Variants in PTCD2 observed in about 807,000 individuals in gnomAD.
The protein encoded by PTCD2 is pentatricopeptide repeat-containing protein 2, mitochondrial.
PTCD2 carries 31 observed loss-of-function variants against 42.6 expected under a neutral mutation model. The observed-to-expected ratio is 0.73, with a 90% CI of 0.55 to 0.98. The LOEUF (loss-of-function observed/expected upper bound fraction) is 0.98, where lower values mean the gene tolerates loss of function less well. PTCD2 is among the 50% of genes least tolerant of loss of function. PTCD2 has a pLI of 0.00. For synonymous variants in PTCD2, 183 were observed against 170.9 expected, an observed-to-expected ratio of 1.07 and a Z score of -0.55; for missense variants, 476 against 454.8, an observed-to-expected ratio of 1.05 and a Z score of -0.42.
chr5:72,320,630 A>C (rs772744511), intron 1 of PTCD2, 121 bp downstream of exon 1: 12 of 1,408,722 alleles, frequency 8.5e-6, no homozygotes, highest in Admixed American at 2.0e-5. Flanking sequence ...CCTGGAGCGC[A>C]CCCTCGCCCT....
intron 3 of PTCD2, among the ~76,000 whole-genome samples, chr5:72,329,489 C>T (rs1301705672): frequency 1.3e-5 from 2 of 152,194 alleles, no homozygotes; most frequent in Admixed American, 6.5e-5. Context: ...CAGTGACTTT[C>T]TAGCACTTTT....
intron 8 of PTCD2, among the ~76,000 whole-genome samples, chr5:72,344,880 G>T (rs552516089): frequency 6.6e-6 from 1 of 152,282 alleles, no homozygotes; most frequent in South Asian, 2.1e-4. Context: ...GCTTCACAAG[G>T]TAGTAGAATA....
chr5:72,357,030 C>T (rs1031628636), intron 9 of PTCD2, among the ~76,000 whole-genome samples: 2 of 152,184 alleles, frequency 1.3e-5, no homozygotes, highest in African/African-American at 4.8e-5. Flanking sequence ...ATTCTCCATT[C>T]TAGTTCACCC....
intron 8 of PTCD2, among the ~76,000 whole-genome samples, chr5:72,345,212 A>G (rs1042006853): frequency 6.6e-6 from 1 of 152,204 alleles, no homozygotes; most frequent in Non-Finnish European, 1.5e-5. Context: ...CCTTGCTGAG[A>G]AAAAGAATTC....
Position 72,358,373 on chromosome 5 carries a change from G to C in PTCD2, c.1113G>C (p.Arg371Ser). The change falls in exon 10 of 10, where the codon AGG becomes AGC. Residue 371 changes from arginine (R) to serine (S), a missense_variant. Arg to Ser is a moderately radical substitution (Grantham distance 110, BLOSUM62 -1). Transcript: ENST00000380639. ...CTCACACGTTGCTATTAAACAAGAG[G>C]ATGGTCAGCCGTCGCACCTTCCAGC... The part of the protein sequence containing the change: ...RKSHTLLLNK[R>S]MVSRRTFQPL... The C allele has an allele frequency of 1.9e-6, 3 of 1,613,996 alleles. No individual in the cohort carries two copies. Among genetic ancestry groups the C allele is most frequent in the Non-Finnish European group, 2.5e-6 (3 of 1,179,982 alleles).
chr5:72,336,094 C>A (rs765003648), intron 6 of PTCD2, among the ~76,000 whole-genome samples: 4 of 152,230 alleles, frequency 2.6e-5, no homozygotes, highest in Non-Finnish European at 5.9e-5. Flanking sequence ...ATCTTTCACT[C>A]TTCTCTGGTG....
chr5:72,352,621 T>C lies in PTCD2; in HGVS notation c.829-20T>C. ...ACACTCACTCAGTCTTGGTTTTGCT[T>C]GTGTCTTCTTAATATTCAGATTATA... On this transcript the variant is annotated intron_variant, in intron 8 of 9. Coordinates refer to ENST00000380639, the MANE Select transcript of PTCD2 (RefSeq NM_024754.5). 7.9e-7 allele frequency: 1 copy of C among 1,270,980 alleles called. No homozygotes were observed. Among genetic ancestry groups the C allele is most frequent in the Non-Finnish European group, 1.1e-6 (1 of 874,244 alleles). 78.7% of individuals were successfully genotyped at this position (1,270,980 alleles called of 1,614,324 possible).
intron 9 of PTCD2, among the ~76,000 whole-genome samples, chr5:72,353,532 A>G (rs906378768): frequency 2.0e-5 from 3 of 152,224 alleles, no homozygotes; most frequent in African/African-American, 4.8e-5. Flanking sequence ...GGTTAGTTGA[A>G]AGAACAAACA....
At chr5:72,329,769 A>G (rs1403817354) in intron 3 of PTCD2, among the ~76,000 whole-genome samples, 6 of 152,292 alleles carry the variant, frequency 3.9e-5, no homozygotes, top group Admixed American at 6.5e-5. Context: ...AGACGGAAGC[A>G]CAGAGTAGTT....
intron 8 of PTCD2, among the ~76,000 whole-genome samples, chr5:72,344,506 C>T (rs1752249026): frequency 6.6e-6 from 1 of 151,934 alleles, no homozygotes; most frequent in Non-Finnish European, 1.5e-5. Flanking sequence ...GAGCAAGACT[C>T]CATCTCAAAA....
rs182483339 is a variant in PTCD2, at chr5:72,322,009, T to G, written c.128-163T>G. On this transcript the variant is annotated intron_variant, in intron 1 of 9. Coordinates refer to ENST00000380639, the MANE Select transcript of PTCD2 (RefSeq NM_024754.5). ...GCATTCTCTGGTAGTTCAGAAATTG[T>G]TTTTCCCAGGATTTATATTTGTACA... Among the ~76,000 whole-genome samples the G allele has an allele frequency of 1.8e-4, 28 of 152,330 alleles. 2 individuals are homozygous for G. The East Asian group carries it at 5.4e-3, about 29-fold the overall frequency.
chr5:72,338,460 T>C (rs1459821006), intron 6 of PTCD2, among the ~76,000 whole-genome samples, 162 bp from the exon 7 acceptor site: 2 of 152,250 alleles, frequency 1.3e-5, no homozygotes, highest in African/African-American at 4.8e-5. Flanking sequence ...AGTAGCCTGG[T>C]GTATTTGCAA....
intron 9 of PTCD2, among the ~76,000 whole-genome samples, chr5:72,353,384 G>A (rs1374195477): frequency 6.6e-6 from 1 of 152,074 alleles, no homozygotes; most frequent in Admixed American, 6.6e-5. Context: ...AAAATAAAAA[G>A]AATCTTCTGT....
chr5:72,354,714 C>T (rs1341973279), intron 9 of PTCD2, among the ~76,000 whole-genome samples: 3 of 152,138 alleles, frequency 2.0e-5, no homozygotes, highest in African/African-American at 7.2e-5. Flanking sequence ...TTGACTCAAT[C>T]CTCCCACTTC....
Position 72,322,235 on chromosome 5 carries a change from CT to C in PTCD2, c.192del (p.Val65LeufsTer16), listed in dbSNP as rs774346978. 43 of 1,598,702 alleles carry C rather than the reference CT, an allele frequency of 2.7e-5. No individual in the cohort carries two copies. The highest frequency in any genetic ancestry group is 6.7e-5 in the Admixed American group (4 of 59,916). On this transcript the variant is annotated frameshift_variant, in exon 2 of 10. Transcript: ENST00000380639. LOFTEE classifies it high-confidence loss of function. ...AAAGAATTTCAACAAAAGAAAGTGG[CT>C]GTTGCATGTAATCTTTCTGGCACTA... ...KLKEFQQKKV[A>X]VACNLSGTKE...
intron 4 of PTCD2, among the ~76,000 whole-genome samples, chr5:72,334,281 A>G (rs533839125): frequency 2.1e-4 from 32 of 152,374 alleles, no homozygotes; most frequent in African/African-American, 7.0e-4. Context: ...TCAATTCTGT[A>G]TTATCCGTTG....
intron 3 of PTCD2, 30 bp downstream of exon 3, chr5:72,326,771 C>T (rs1262717378): frequency 6.2e-7 from 1 of 1,607,706 alleles, no homozygotes; most frequent in Admixed American, 1.7e-5. Context: ...TGTTGCCACC[C>T]TTATCCCTTC....
rs1262790049 is a variant in PTCD2 at position 72,342,929 on chromosome 5, A to T, written c.754-33A>T. On this transcript the variant is annotated intron_variant, in intron 7 of 9. Coordinates refer to ENST00000380639, the MANE Select transcript of PTCD2 (RefSeq NM_024754.5). Reference sequence around the variant, plus strand: ...TTTTACAATAACATTAGTTCCTATGATATGGAATATGATTTGTTTCTCTTC... The same window carrying T: ...TTTTACAATAACATTAGTTCCTATGTTATGGAATATGATTTGTTTCTCTTC... 3.7e-6 allele frequency: 5 copies of T among 1,356,062 alleles called. No individual in the cohort carries two copies. The Admixed American group carries it at 7.3e-5, about 20-fold the overall frequency. The allele number at this position is 1,356,062 out of a possible 1,614,324, so 84.0% of individuals were successfully genotyped here.
intron 9 of PTCD2, among the ~76,000 whole-genome samples, chr5:72,357,396 T>A (rs1752928825): frequency 6.6e-6 from 1 of 152,236 alleles, no homozygotes; most frequent in Non-Finnish European, 1.5e-5. Context: ...TTTCTGTACC[T>A]TTCCCAATCT....
Sources: allele counts gnomAD v4.1 joint callset (sites outside exome capture counted in the v4.1 genomes callset), GRCh38; gene constraint gnomAD v4.1.1; transcripts MANE v1.5; gene names NCBI Gene and HGNC (gene_info 2026-07-23, HGNC 2026-07-21).